Variants in TJP1 observed in about 807,000 individuals in gnomAD.
The protein encoded by TJP1 is tight junction protein ZO-1.
TJP1 carries 43 observed loss-of-function variants against 194.2 expected under a neutral mutation model. The observed-to-expected ratio is 0.22, with a 90% CI of 0.17 to 0.29. TJP1 has a LOEUF of 0.29. Among genes scored for constraint, TJP1 ranks in the 10% least tolerant of loss-of-function variants. TJP1 has a pLI of 1.00. For missense variants in TJP1, 1,971 were observed against 2,185.7 expected, an observed-to-expected ratio of 0.90 and a Z score of 1.96; for synonymous variants, 801 against 779.0, an observed-to-expected ratio of 1.03 and a Z score of -0.47.
intron 2 of TJP1, among the ~76,000 whole-genome samples, chr15:29,778,265 G>A (rs2047140673): frequency 6.6e-6 from 1 of 151,614 alleles, no homozygotes; most frequent in South Asian, 2.1e-4. Flanking sequence ...TTTCAAAACT[G>A]CTTGCTGATG....
At chr15:29,809,642 C>T (rs1048755956) in intron 1 of TJP1, among the ~76,000 whole-genome samples, 43 of 152,082 alleles carry the variant, frequency 2.8e-4, no homozygotes, top group African/African-American at 9.2e-4. Flanking sequence ...GTCAGGAGTT[C>T]GAGACCAGGC....
rs902556632 is a variant in TJP1, at chr15:29,719,722, C to G, written c.3003+55G>C. Reference sequence around the variant, plus strand: ...ACTTAAAGGGCAAAGCAAAAATGATCATGTGCCAGATTGATGGACAGCAAC... The same window carrying G: ...ACTTAAAGGGCAAAGCAAAAATGATGATGTGCCAGATTGATGGACAGCAAC... On this transcript the variant is annotated intron_variant, in intron 20 of 27. Coordinates refer to ENST00000614355, the MANE Select transcript of TJP1 (RefSeq NM_001330239.4). The G allele has an allele frequency of 3.8e-6, 6 of 1,572,820 alleles. No homozygotes were observed. The African/African-American group carries it at 8.1e-5, about 21-fold the overall frequency.
intron 8 of TJP1, chr15:29,759,304 C>T (rs937176751): frequency 6.6e-6 from 1 of 152,198 alleles, no homozygotes; most frequent in Admixed American, 6.5e-5. Flanking sequence ...ATCATCTCTT[C>T]AGATCTAGAC....
intron 2 of TJP1, among the ~76,000 whole-genome samples, chr15:29,899,364 T>C (rs1283972330): frequency 6.6e-6 from 1 of 152,254 alleles, no homozygotes; most frequent in East Asian, 1.9e-4. Flanking sequence ...CATTTTCTAT[T>C]CTGCTCTCAA....
In TJP1 at chr15:29,701,453, C is replaced by T; in HGVS notation, c.*142G>A. 2 of 634,334 alleles carry T rather than the reference C, an allele frequency of 3.2e-6. No homozygotes were observed. Among genetic ancestry groups the T allele is most frequent in the African/African-American group, 3.6e-5 (2 of 54,922 alleles). The allele number at this position is 634,334 out of a possible 1,614,324, so 39.3% of individuals were successfully genotyped here. On this transcript the variant is annotated 3_prime_UTR_variant, in exon 28 of 28. Coordinates refer to ENST00000614355, the MANE Select transcript of TJP1 (RefSeq NM_001330239.4). ...ACCATGGTTCAGGGGCATGCTCACT[C>T]ATCTTTATCAGTTCAAACAAATGCC...
chr15:29,732,450 T>C lies in TJP1; in HGVS notation c.2000A>G (p.Asp667Gly). 6.2e-7 allele frequency: 1 copy of C among 1,613,516 alleles called. No individual in the cohort carries two copies. The highest frequency in any genetic ancestry group is 8.5e-7 in the Non-Finnish European group (1 of 1,180,014). Residue 667 changes from aspartate (D) to glycine (G), a missense_variant, in exon 15 of 28, where the codon GAT becomes GGT. Around this residue, in one of 5 missense-constraint regions of TJP1, gnomAD observed 402 missense variants for 484.2 expected, o/e 0.83. Coordinates refer to ENST00000614355, the MANE Select transcript of TJP1 (RefSeq NM_001330239.4). The part of the protein sequence containing the change: ...AREKLAREEP[D>G]IYQIAKSEPR... ...CTACTTACTTGCAATTTGATAAATA[T>C]CTGGTTCTTCTCTTGCCAGCTTTTC...
At chr15:29,722,560 G>A (rs184177930) in intron 18 of TJP1, among the ~76,000 whole-genome samples, 31 of 152,320 alleles carry the variant, frequency 2.0e-4, no homozygotes, top group East Asian at 1.9e-3. Context: ...CTGCAGGAGC[G>A]GAGCCCTCAT....
chr15:29,753,306 A>G (rs1453150740), intron 8 of TJP1, among the ~76,000 whole-genome samples: 2 of 151,622 alleles, frequency 1.3e-5, no homozygotes, highest in Middle Eastern at 3.4e-3. Context: ...ACACAGTGAA[A>G]CCCCGTCTCT....
rs187305138 is a variant in TJP1, at chr15:29,830,012, A to G, written c.307-29310T>C. Among the ~76,000 whole-genome samples the G allele has an allele frequency of 2.0e-5, 3 of 152,152 alleles. No individual in the cohort carries two copies. In the East Asian group the frequency reaches 5.8e-4, roughly 29 times the overall value. On this transcript the variant is annotated intron_variant, in intron 2 of 28. Coordinates refer to the TJP1 transcript ENST00000356107. ...GAAACAAAAATTCTTACATTAAAAA[A>G]AAAATACAATGAAATTTAAAAAAAA... is the stretch of plus-strand genomic sequence containing the variant.
Position 29,719,954 on chromosome 15 carries a change from G to C in TJP1, c.2826C>G (p.Thr942=). 1 of 1,614,184 alleles carries C rather than the reference G, an allele frequency of 6.2e-7. No homozygotes were observed. The highest frequency in any genetic ancestry group is 8.5e-7 in the Non-Finnish European group (1 of 1,180,020). Residue 942 remains threonine, a synonymous_variant, in exon 20 of 28, where the codon ACC becomes ACG. Transcript: ENST00000614355. ...LSPETNPASS[T]SAVNHNVNLT... The stretch of plus-strand genomic sequence containing the variant: ...AATTTACATTATGATTAACAGCAGA[G>C]GTTGATGATGCTGGGTTTGTTTCAG...
intron 1 of TJP1, among the ~76,000 whole-genome samples, chr15:29,806,075 G>A (rs2049092672): frequency 6.6e-6 from 1 of 152,230 alleles, no homozygotes; most frequent in South Asian, 2.1e-4. Flanking sequence ...AAGAATTTTC[G>A]ACGATCAAAT....
intron 22 of TJP1, among the ~76,000 whole-genome samples, 198 bp from the exon 23 acceptor site, chr15:29,717,036 C>T (rs1841859661): frequency 6.6e-6 from 1 of 152,072 alleles, no homozygotes; most frequent in East Asian, 1.9e-4. Flanking sequence ...AAAGGCAGCC[C>T]CCTTCTGGCT....
intron 2 of TJP1, among the ~76,000 whole-genome samples, chr15:29,949,186 C>T (rs2055411233): frequency 6.7e-6 from 1 of 148,736 alleles, no homozygotes; most frequent in Non-Finnish European, 1.5e-5. Flanking sequence ...CCTCCATCAC[C>T]TCCACCACCA....
In TJP1 at chr15:29,879,534, G is replaced by A. The variant is rs192527562; in HGVS notation, c.306+76698C>T. Among the ~76,000 whole-genome samples the A allele has an allele frequency of 3.9e-5, 6 of 152,136 alleles. No individual in the cohort carries two copies. The East Asian group carries it at 9.7e-4, about 25-fold the overall frequency. ...AAGGCTGCATTAATGATTATTAGTC[G>A]GGTGAACTTTTACAGTGGTTTTAAA... On this transcript the variant is annotated intron_variant, in intron 2 of 28. Coordinates refer to the TJP1 transcript ENST00000356107.
Position 29,700,304 on chromosome 15 carries a change from G to A in TJP1, c.*1291C>T, listed in dbSNP as rs41280054. On this transcript the variant is annotated 3_prime_UTR_variant, in exon 28 of 28. Transcript: ENST00000614355. ...ATGTGCCATAATAAATTGTCTATTA[G>A]TAAAAAAATACACTTTAGGGCACAG... is the stretch of plus-strand genomic sequence containing the variant. 3 of 398,852 alleles carry A rather than the reference G, an allele frequency of 7.5e-6. No homozygotes were observed. The highest frequency in any genetic ancestry group is 1.3e-5 in the Non-Finnish European group (3 of 226,036). The allele number at this position is 398,852 out of a possible 1,614,324, so 24.7% of individuals were successfully genotyped here.
At chr15:29,853,934 C>T (rs940139047) in intron 2 of TJP1, among the ~76,000 whole-genome samples, 1 of 152,036 alleles carries the variant, frequency 6.6e-6, no homozygotes, top group African/African-American at 2.4e-5. Context: ...CAACGACGCA[C>T]CTGCAGTTGG....
rs148639145 is a variant in TJP1 at position 29,931,677 on chromosome 15, A to G, written c.306+24555T>C. ...CCTAAGGTGGGAAAGTACTTGCCCT[A>G]CTGTTAGAGGAAAGGAGTCCCGATC... is the stretch of plus-strand genomic sequence containing the variant. On this transcript the variant is annotated intron_variant, in intron 2 of 28. Coordinates refer to the TJP1 transcript ENST00000356107. 5.3e-5 allele frequency among the ~76,000 whole-genome samples: 8 copies of G among 152,278 alleles called. No homozygotes were observed. The East Asian group carries it at 1.5e-3, about 29-fold the overall frequency.
intron 8 of TJP1, among the ~76,000 whole-genome samples, chr15:29,750,064 G>A (rs1442508327): frequency 6.6e-6 from 1 of 151,300 alleles, no homozygotes; most frequent in Non-Finnish European, 1.5e-5. Flanking sequence ...TGGAAGTGCA[G>A]TGGTGCGATC....
intron 1 of TJP1, among the ~76,000 whole-genome samples, chr15:29,818,525 G>C (rs1177133175): frequency 6.6e-6 from 1 of 152,148 alleles, no homozygotes; most frequent in African/African-American, 2.4e-5. Flanking sequence ...ATTTATTTGA[G>C]ACAGCGTCTC....
Sources: allele counts gnomAD v4.1 joint callset (sites outside exome capture counted in the v4.1 genomes callset), GRCh38; gene constraint gnomAD v4.1.1; regional missense constraint gnomAD v4.1.1; transcripts MANE v1.5; gene names NCBI Gene and HGNC (gene_info 2026-07-23, HGNC 2026-07-21).